Variants in BCAS3 observed in about 807,000 individuals in gnomAD.
BCAS3 encodes the protein BCAS4/BCAS3 fusion.
Under a neutral mutation model 116.1 loss-of-function variants are expected in BCAS3, and 53 were observed. The observed-to-expected ratio is 0.46, with a 90% CI of 0.37 to 0.57. The LOEUF is 0.57. Ranked by LOEUF, BCAS3 falls within the 20% of genes least tolerant of loss-of-function variation. The pLI, the probability that BCAS3 is intolerant of heterozygous loss-of-function variation, is 0.00. For synonymous variants in BCAS3, 391 were observed against 408.2 expected (o/e 0.96, Z 0.51); for missense variants, 917 against 1,165.4 (o/e 0.79, Z 3.10).
intron 22 of BCAS3, among the ~76,000 whole-genome samples, chr17:61,158,822 T>C (rs2078007328): frequency 6.6e-6 from 1 of 152,174 alleles, no homozygotes; most frequent in South Asian, 2.1e-4. Flanking sequence ...ATGCAAAAAT[T>C]AGCAGATAAC....
chr17:60,933,278 A>T (rs1203532473), intron 13 of BCAS3, among the ~76,000 whole-genome samples: 1 of 152,244 alleles, frequency 6.6e-6, no homozygotes, highest in African/African-American at 2.4e-5. Context: ...TTATCAAACT[A>T]TCGTTAGAAA....
intron 19 of BCAS3, chr17:61,070,368 T>A (rs766203428): frequency 2.3e-4 from 20 of 88,284 alleles, no homozygotes; most frequent in Middle Eastern, 4.4e-3. Context: ...TAATTCTGAA[T>A]ATATATATAT....
At chr17:61,075,051 G>A (rs747392188) in intron 20 of BCAS3, 31 bp downstream of exon 20, 1 of 1,527,304 alleles carries the variant, frequency 6.5e-7, no homozygotes, top group Non-Finnish European at 9.0e-7. Flanking sequence ...GAGTATTAAA[G>A]TAAAATAAAA....
Position 61,189,777 on chromosome 17 carries a change from G to A in BCAS3, c.2425+105213G>A, listed in dbSNP as rs1376308290. Among the ~76,000 whole-genome samples, 1 of 152,136 alleles carries A rather than the reference G, an allele frequency of 6.6e-6. No individual in the cohort carries two copies. Among genetic ancestry groups the A allele is most frequent in the Non-Finnish European group, 1.5e-5 (1 of 68,022 alleles). On this transcript the variant is annotated intron_variant, in intron 22 of 23. Coordinates refer to ENST00000407086, the MANE Select transcript of BCAS3 (RefSeq NM_017679.5). This position sits in a 1 kb window ranked among gnomAD's most constrained non-coding sequence, Gnocchi z 4.5. ...GTGGAAGAGAGAATGTAAGAGAAGCGGTTTAAAGAGGAGCTCAATCCTTTT... is the reference window on the plus strand; with the variant it reads ...GTGGAAGAGAGAATGTAAGAGAAGCAGTTTAAAGAGGAGCTCAATCCTTTT...
intron 3 of BCAS3, chr17:60,687,887 G>C (rs569188419): frequency 6.6e-6 from 1 of 152,144 alleles, no homozygotes; most frequent in Non-Finnish European, 1.5e-5. Flanking sequence ...GAAACTTGAA[G>C]ACATAGTGAA....
chr17:61,129,036 G>A (rs2076194921), intron 22 of BCAS3, among the ~76,000 whole-genome samples: 1 of 152,188 alleles, frequency 6.6e-6, no homozygotes, highest in Non-Finnish European at 1.5e-5. Context: ...CAAGGGCAGA[G>A]CTAGACAGGA....
rs1310083702 is a variant in BCAS3 at position 61,134,266 on chromosome 17, A to C, written c.2425+49702A>C. Among the ~76,000 whole-genome samples the C allele has an allele frequency of 6.6e-6, 1 of 152,208 alleles. No homozygotes were observed. The stretch of plus-strand genomic sequence containing the variant: ...ATGAGGATCAATAATAGTAGTGAAC[A>C]CTTGTTGATTTTTTAAAAATCAACT... On this transcript the variant is annotated intron_variant, in intron 22 of 23. Transcript: ENST00000407086. This position sits in a 1 kb window ranked among gnomAD's most constrained non-coding sequence, Gnocchi z 4.6.
At chr17:61,193,911 G>A (rs969880906) in intron 22 of BCAS3, among the ~76,000 whole-genome samples, 2 of 152,004 alleles carry the variant, frequency 1.3e-5, no homozygotes, top group Non-Finnish European at 2.9e-5. Flanking sequence ...GAGGTCAGGA[G>A]TTGGAGACCA....
rs1441404002 is a variant in BCAS3, at chr17:61,065,483, CT to C, written c.2030-9436del. Among the ~76,000 whole-genome samples the C allele has an allele frequency of 3.3e-5, 5 of 152,312 alleles. No individual in the cohort carries two copies. The highest frequency in any genetic ancestry group is 7.4e-5 in the Non-Finnish European group (5 of 68,020). On this transcript the variant is annotated intron_variant, in intron 19 of 23. Transcript: ENST00000407086. This position sits in a 1 kb window ranked among gnomAD's most constrained non-coding sequence, Gnocchi z 4.8. ...TTTGTCCTTGGGAGAGAGTTTATCA[CT>C]GTTGGCCTTTGGGTGAACTTTGAGC...
chr17:60,781,093 G>A (rs113589927), intron 6 of BCAS3, among the ~76,000 whole-genome samples: 1 of 151,670 alleles, frequency 6.6e-6, no homozygotes, highest in African/African-American at 2.4e-5. Context: ...CCCAGCCTCT[G>A]GAGTAGGTTG....
In BCAS3 at chr17:61,028,974, G is replaced by A. The variant is rs187958025; in HGVS notation, c.1638-5692G>A. Among the ~76,000 whole-genome samples, 285 of 151,850 alleles carry A rather than the reference G, an allele frequency of 1.9e-3. No homozygotes were observed. The highest frequency in any genetic ancestry group is 3.3e-3 in the Non-Finnish European group (225 of 67,768). ...TAAATTTGACAACTTCTTCCATTTT[G>A]TTTATAAGAGCTCCTTTGTTTTAAT... On this transcript the variant is annotated intron_variant, in intron 16 of 23. Coordinates refer to ENST00000407086, the MANE Select transcript of BCAS3 (RefSeq NM_017679.5). This position sits in a 1 kb window ranked among gnomAD's most constrained non-coding sequence, Gnocchi z 4.3.
In BCAS3 at chr17:61,344,661, C is replaced by T. The variant is rs372940107; in HGVS notation, c.2426-23666C>T. 1.6e-4 allele frequency among the ~76,000 whole-genome samples: 25 copies of T among 152,106 alleles called. No individual in the cohort carries two copies. The highest frequency in any genetic ancestry group is 5.3e-4 in the African/African-American group (22 of 41,468). ...GATCAGAAAAGGCTTCCCAGAAGTT[C>T]GATTTAAGCTGCAGTTGAGGGATGA... On this transcript the variant is annotated intron_variant, in intron 22 of 23. Transcript: ENST00000407086. This position sits in a 1 kb window ranked among gnomAD's most constrained non-coding sequence, Gnocchi z 4.1.
At chr17:61,331,767 C>T (rs931933360) in intron 22 of BCAS3, among the ~76,000 whole-genome samples, 7 of 152,174 alleles carry the variant, frequency 4.6e-5, no homozygotes, top group African/African-American at 1.4e-4. Context: ...AACTCATGAA[C>T]ACAGAACAAA....
chr17:61,109,555 A>C (rs1487811510), intron 22 of BCAS3, among the ~76,000 whole-genome samples: 1 of 152,202 alleles, frequency 6.6e-6, no homozygotes, highest in Non-Finnish European at 1.5e-5. Context: ...ACAAGCTTAC[A>C]TTCCCACCAA....
rs987311753 is a variant in BCAS3, at chr17:61,355,111, A to T, written c.2426-13216A>T. 6.6e-6 allele frequency: 1 copy of T among 151,692 alleles called. No homozygotes were observed. Among genetic ancestry groups the T allele is most frequent in the African/African-American group, 2.4e-5 (1 of 41,346 alleles). The allele number at this position is 151,692 out of a possible 1,614,324, so 9.4% of individuals were successfully genotyped here. A position where few individuals can be genotyped will look rare whatever the true frequency, so the allele number is the denominator to read the frequency against. On this transcript the variant is annotated intron_variant, in intron 22 of 23. Transcript: ENST00000407086. The surrounding 1 kb of genome is among the most constrained non-coding windows in gnomAD (Gnocchi z 4.2). Reference sequence around the variant, plus strand: ...ACCTCCGCCAGCTGGGGAGGCAGAGAGTTCGCACTCTGAGGAAACGCAGAT... The same window carrying T: ...ACCTCCGCCAGCTGGGGAGGCAGAGTGTTCGCACTCTGAGGAAACGCAGAT...
In BCAS3 at chr17:61,259,122, C is replaced by T. The variant is rs532134282; in HGVS notation, c.2426-109205C>T. 6.6e-6 allele frequency among the ~76,000 whole-genome samples: 1 copy of T among 152,290 alleles called. No homozygotes were observed. Among genetic ancestry groups the T allele is most frequent in the Non-Finnish European group, 1.5e-5 (1 of 68,008 alleles). On this transcript the variant is annotated intron_variant, in intron 22 of 23. Coordinates refer to ENST00000407086, the MANE Select transcript of BCAS3 (RefSeq NM_017679.5). The surrounding 1 kb of genome is among the most constrained non-coding windows in gnomAD (Gnocchi z 4.7). ...TCTAAGCCCCTTCTAAACATGTTTC[C>T]TTCTAGGAGGCAGAAGAGTGGGAAT... is the stretch of plus-strand genomic sequence containing the variant.
chr17:60,797,082 G>A (rs1324903719), intron 6 of BCAS3, among the ~76,000 whole-genome samples: 1 of 151,794 alleles, frequency 6.6e-6, no homozygotes, highest in Non-Finnish European at 1.5e-5. Flanking sequence ...TTTTAGTAGA[G>A]ATGGGGTTTC....
chr17:61,110,139 G>C (rs1664207074), intron 22 of BCAS3, among the ~76,000 whole-genome samples: 1 of 152,182 alleles, frequency 6.6e-6, no homozygotes, highest in Non-Finnish European at 1.5e-5. Flanking sequence ...GGTGAGAGAA[G>C]AGCATGCAGT....
intron 22 of BCAS3, among the ~76,000 whole-genome samples, chr17:61,170,975 C>A (rs2078810381): frequency 6.6e-6 from 1 of 152,140 alleles, no homozygotes; most frequent in South Asian, 2.1e-4. Flanking sequence ...TTATGCAGGG[C>A]TGGGAGTGAT....
Sources: gnomAD v4.1 joint callset for allele counts (sites outside exome capture counted in the v4.1 genomes callset) on GRCh38, gnomAD v4.1.1 for gene constraint, Gnocchi (gnomAD v3.1) non-coding constraint, MANE v1.5 for transcripts, NCBI Gene and HGNC (gene_info 2026-07-23, HGNC 2026-07-21) for gene names.